Variants in DNAH14 observed in about 807,000 individuals in gnomAD.
DNAH14 encodes dynein axonemal heavy chain 14.
DNAH14 carries 478 observed loss-of-function variants against 520.9 expected under a neutral mutation model. The observed-to-expected ratio is 0.92, with a 90% CI of 0.85 to 0.99. The LOEUF (loss-of-function observed/expected upper bound fraction) is 0.99. DNAH14 is among the 50% of genes least tolerant of loss of function. The pLI is 0.00. For missense variants in DNAH14, 4,831 were observed against 5,234.5 expected (o/e 0.92, Z 2.38); for synonymous variants, 1,581 against 1,757.2 (o/e 0.90, Z 2.51).
At chr1:225,374,068 C>A (rs1172696684) in intron 77 of DNAH14, among the ~76,000 whole-genome samples, 2 of 140,834 alleles carry the variant, frequency 1.4e-5, no homozygotes, top group Non-Finnish European at 3.1e-5. Flanking sequence ...AAGATCACAC[C>A]ACTGCACTCC....
At chr1:225,275,174 T>C (rs2093436486) in intron 52 of DNAH14, among the ~76,000 whole-genome samples, 1 of 152,204 alleles carries the variant, frequency 6.6e-6, no homozygotes, top group Non-Finnish European at 1.5e-5. Flanking sequence ...AATCTTCATT[T>C]AGCCATTTGC....
intron 19 of DNAH14, among the ~76,000 whole-genome samples, chr1:225,081,578 A>G (rs1026538216): frequency 6.6e-6 from 1 of 152,230 alleles, no homozygotes; most frequent in African/African-American, 2.4e-5. Flanking sequence ...GCCAAAGTCT[A>G]GACTGGCAAA....
At chr1:225,107,875 G>T (rs1029104166) in intron 23 of DNAH14, among the ~76,000 whole-genome samples, 1 of 152,078 alleles carries the variant, frequency 6.6e-6, no homozygotes, top group Non-Finnish European at 1.5e-5. Flanking sequence ...ACTTTGATTT[G>T]CATTTCCCTG....
chr1:225,167,953 T>C lies in DNAH14; in HGVS notation c.5460T>C (p.Thr1820=). ...NQLALEKVIY[T]ATQQLGLQNW... ...TTTCCTTTTAGAAAGTAATATATACTGCAACTCAGCAATTGGGTTTACAAA... is the reference window on the plus strand; with the variant it reads ...TTTCCTTTTAGAAAGTAATATATACCGCAACTCAGCAATTGGGTTTACAAA... The change falls in exon 36 of 86, where the codon ACT becomes ACC. Residue 1820 remains threonine (T), a synonymous_variant. Transcript: ENST00000682510. The C allele has an allele frequency of 6.6e-7, 1 of 1,525,398 alleles. No individual in the cohort carries two copies. The highest frequency in any genetic ancestry group is 8.8e-7 in the Non-Finnish European group (1 of 1,133,416). 94.5% of individuals were successfully genotyped at this position (1,525,398 alleles called of 1,614,324 possible).
chr1:225,253,879 C>G (rs1020962961), intron 44 of DNAH14, among the ~76,000 whole-genome samples: 1 of 152,176 alleles, frequency 6.6e-6, no homozygotes, highest in African/African-American at 2.4e-5. Flanking sequence ...ACTCCCAACT[C>G]TATTCTTTCC....
At chr1:224,961,363 T>A (rs2060832985) in intron 4 of DNAH14, 1 of 152,108 alleles carries the variant, frequency 6.6e-6, no homozygotes, top group Admixed American at 6.6e-5. Flanking sequence ...TTTGCAGTAA[T>A]TTGTTATGCA....
intron 23 of DNAH14, among the ~76,000 whole-genome samples, chr1:225,107,784 C>T (rs2076192490): frequency 6.6e-6 from 1 of 152,162 alleles, no homozygotes; most frequent in African/African-American, 2.4e-5. Context: ...TCCCTTTTCT[C>T]CATATCCTTG....
In DNAH14 at chr1:225,167,950, T is replaced by C. The variant is rs1573651135; in HGVS notation, c.5457T>C (p.Tyr1819=). 3.9e-6 allele frequency: 6 copies of C among 1,519,916 alleles called. No homozygotes were observed. The East Asian group carries it at 1.2e-4, about 31-fold the overall frequency. 94.2% of individuals were successfully genotyped at this position (1,519,916 alleles called of 1,614,324 possible). ...TTATTTCCTTTTAGAAAGTAATATA[T>C]ACTGCAACTCAGCAATTGGGTTTAC... ...VNQLALEKVI[Y]TATQQLGLQN... Residue 1819 remains tyrosine, a synonymous_variant, in exon 36 of 86, where the codon TAT becomes TAC. Coordinates refer to ENST00000682510, the MANE Select transcript of DNAH14 (RefSeq NM_001367479.1).
rs113231914 is a variant in DNAH14, at chr1:225,122,321, C to T, written c.4167-1206C>T. On this transcript the variant is annotated intron_variant, in intron 26 of 85. Transcript: ENST00000682510. ...TTTCTAACTACAACAACCTATATGCCGTGGTTGCAACTGACAAGCAGGGCA... is the reference window on the plus strand; with the variant it reads ...TTTCTAACTACAACAACCTATATGCTGTGGTTGCAACTGACAAGCAGGGCA... Among the ~76,000 whole-genome samples the T allele has an allele frequency of 2.0e-3, 311 of 152,242 alleles. 5 individuals carry two copies. The highest frequency in any genetic ancestry group is 7.1e-3 in the African/African-American group (297 of 41,540).
Position 225,085,770 on chromosome 1 carries a change from C to G in DNAH14, c.3554C>G (p.Pro1185Arg). 1.3e-6 allele frequency: 2 copies of G among 1,549,050 alleles called. No individual in the cohort carries two copies. The highest frequency in any genetic ancestry group is 1.7e-6 in the Non-Finnish European group (2 of 1,146,166). Residue 1185 changes from proline to arginine, a missense_variant, in exon 21 of 86, where the codon CCC becomes CGC. Coordinates refer to ENST00000682510, the MANE Select transcript of DNAH14 (RefSeq NM_001367479.1). ...ATACTTGCAACAATTAAAGGATCTCCCCACATTGGGCCCATTAAGGTAAGT... is the reference window on the plus strand; with the variant it reads ...ATACTTGCAACAATTAAAGGATCTCGCCACATTGGGCCCATTAAGGTAAGT... Reference protein sequence around the residue: ...QVILATIKGSPHIGPIKDLVN... With the variant: ...QVILATIKGSRHIGPIKDLVN...
In DNAH14 at chr1:225,338,122, A is replaced by T; in HGVS notation, c.10373A>T (p.Lys3458Ile). The T allele has an allele frequency of 1.9e-6, 3 of 1,551,838 alleles. No individual in the cohort carries two copies. The highest frequency in any genetic ancestry group is 2.6e-6 in the Non-Finnish European group (3 of 1,146,970). ...KAILKKDIYQ[K>I]KGHYFIRVGD... is the part of the protein sequence containing the mutation. ...ATTCTGAAAAAGGATATCTATCAGAAAAAAGGACACTATTTCATAAGGGTT... is the reference window on the plus strand; with the variant it reads ...ATTCTGAAAAAGGATATCTATCAGATAAAAGGACACTATTTCATAAGGGTT... Residue 3458 changes from lysine to isoleucine, a missense_variant, in exon 68 of 86, where the codon AAA (lysine) becomes ATA (isoleucine). By Grantham distance (102) the Lys-to-Ile change is moderately radical. Coordinates refer to ENST00000682510, the MANE Select transcript of DNAH14 (RefSeq NM_001367479.1).
At position 225,399,139 on chromosome 1, in the gene DNAH14, G is replaced by A. The variant is rs1173960412; in HGVS notation, c.13724G>A (p.Arg4575Lys). 1 of 1,551,650 alleles carries A rather than the reference G, an allele frequency of 6.4e-7. No homozygotes were observed. Among genetic ancestry groups the A allele is most frequent in the Non-Finnish European group, 8.7e-7 (1 of 1,146,982 alleles). Residue 4575 changes from arginine (R) to lysine (K), a missense_variant, in exon 86 of 86, where the codon AGG becomes AAG. Physicochemically the swap from Arg to Lys is conservative, Grantham distance 26. Transcript: ENST00000682510. Reference protein sequence around the residue: ...FECPVYQTPERSRILATTGLP... With the variant: ...FECPVYQTPEKSRILATTGLP... ...TGCCCAGTTTACCAGACACCTGAGA[G>A]GTCAAGAATTTTGGCAACTACCGGT...
intron 9 of DNAH14, among the ~76,000 whole-genome samples, chr1:225,005,573 C>G (rs2064106230): frequency 6.6e-6 from 1 of 151,970 alleles, no homozygotes; most frequent in Non-Finnish European, 1.5e-5. Flanking sequence ...AAATTTGGAC[C>G]TGGTAGTCAG....
intron 35 of DNAH14, among the ~76,000 whole-genome samples, chr1:225,161,758 A>T (rs753287503): frequency 2.6e-5 from 4 of 152,178 alleles, no homozygotes; most frequent in Non-Finnish European, 5.9e-5. Context: ...CTGATGATCA[A>T]TAATTTTGAG....
chr1:225,294,202 T>C (rs1365823941), intron 55 of DNAH14, among the ~76,000 whole-genome samples: 1 of 152,002 alleles, frequency 6.6e-6, no homozygotes, highest in Non-Finnish European at 1.5e-5. Flanking sequence ...ATGATTGTGG[T>C]TTTTTTTCTA....
At chr1:225,372,447 G>A (rs753014151) in intron 77 of DNAH14, among the ~76,000 whole-genome samples, 3 of 152,108 alleles carry the variant, frequency 2.0e-5, no homozygotes, top group Non-Finnish European at 2.9e-5. Context: ...TTTAATATTT[G>A]ACACAGGTAA....
intron 37 of DNAH14, among the ~76,000 whole-genome samples, chr1:225,188,184 CA>C (rs1177188035): frequency 6.6e-6 from 1 of 151,864 alleles, no homozygotes; most frequent in Non-Finnish European, 1.5e-5. Context: ...TGCACAGTTT[CA>C]GTTACTCATG....
intron 60 of DNAH14, among the ~76,000 whole-genome samples, chr1:225,312,018 T>C (rs557723433): frequency 2.6e-5 from 4 of 152,308 alleles, no homozygotes; most frequent in South Asian, 4.1e-4. Flanking sequence ...TAGCATTGAA[T>C]CTATAAATTA....
chr1:225,156,778 G>C (rs1417359656), intron 34 of DNAH14, among the ~76,000 whole-genome samples: 6 of 103,310 alleles, frequency 5.8e-5, no homozygotes, highest in Non-Finnish European at 1.1e-4. Flanking sequence ...GCAGTGGCGG[G>C]ATCTCGGCTC....
Sources: gnomAD v4.1 joint callset for allele counts (sites outside exome capture counted in the v4.1 genomes callset) on GRCh38, gnomAD v4.1.1 for gene constraint, MANE v1.5 for transcripts, NCBI Gene and HGNC (gene_info 2026-07-23, HGNC 2026-07-21) for gene names.